SHPRH: variants seen among roughly 807,000 people sequenced by gnomAD.
SHPRH encodes the protein E3 ubiquitin-protein ligase SHPRH.
Under a neutral mutation model 202.5 loss-of-function variants are expected in SHPRH, and 106 were observed. The observed-to-expected ratio is 0.52, with a 90% CI of 0.45 to 0.62. The LOEUF (loss-of-function observed/expected upper bound fraction) is 0.62. Ranked by LOEUF, SHPRH falls within the 20% of genes least tolerant of loss-of-function variation. The probability of loss-of-function intolerance (pLI) is 0.00; values close to 1 mark genes in which losing one functional copy is unlikely to be tolerated. For missense variants in SHPRH, 1,710 were observed against 2,020.0 expected, an observed-to-expected ratio of 0.85 and a Z score of 2.94; for synonymous variants, 729 against 686.0, an observed-to-expected ratio of 1.06 and a Z score of -0.98.
intron 5 of SHPRH, 21 bp downstream of exon 5, chr6:145,948,250 TA>T: frequency 6.6e-7 from 1 of 1,524,930 alleles, no homozygotes; most frequent in Non-Finnish European, 8.9e-7. Context: ...AAATCAAGCA[TA>T]TAAGTAAAAT....
At chr6:145,937,282 C>T (rs900521607) in intron 11 of SHPRH, among the ~76,000 whole-genome samples, 1 of 152,158 alleles carries the variant, frequency 6.6e-6, no homozygotes, top group Non-Finnish European at 1.5e-5. Flanking sequence ...CTGGCCCATG[C>T]TTCTTTTCTG....
At chr6:145,860,890 A>G (rs186833040), downstream of SHPRH, among the ~76,000 whole-genome samples, 5 of 152,256 alleles carry the variant, frequency 3.3e-5, no homozygotes, top group Non-Finnish European at 1.5e-5. Context: ...AAGAATATAC[A>G]ATGAGGAAAA....
At chr6:145,925,374 A>ACACACACGCC (rs1784783166) in intron 16 of SHPRH, among the ~76,000 whole-genome samples, 1 of 151,244 alleles carries the variant, frequency 6.6e-6, no homozygotes, top group Non-Finnish European at 1.5e-5. Context: ...ACACACATGC[A>ACACACACGCC]TGCAATAAAA....
At chr6:145,896,785 C>T (rs186455725) in intron 25 of SHPRH, among the ~76,000 whole-genome samples, 19 of 152,016 alleles carry the variant, frequency 1.2e-4, no homozygotes, top group Non-Finnish European at 1.3e-4. Flanking sequence ...AAATAACATG[C>T]TCTTGAACAT....
chr6:145,887,368 A>C lies in SHPRH; in HGVS notation c.4956-581T>G, dbSNP rs574785333. On this transcript the variant is annotated intron_variant, in intron 29 of 29. Transcript: ENST00000275233. ...ACCATCCAATCCTACCTACCTCCTA[A>C]AGATGTAGAAAGATTTATGTTTTCA... Among the ~76,000 whole-genome samples, 7 of 152,158 alleles carry C rather than the reference A, an allele frequency of 4.6e-5. No homozygotes were observed. The East Asian group carries it at 1.4e-3, about 29-fold the overall frequency.
chr6:145,948,841 T>C (rs906263034), intron 4 of SHPRH, among the ~76,000 whole-genome samples: 112 of 152,108 alleles, frequency 7.4e-4, no homozygotes, highest in African/African-American at 2.7e-3. Flanking sequence ...GAAAAAAATA[T>C]CTAAAACCAT....
intron 14 of SHPRH, among the ~76,000 whole-genome samples, chr6:145,928,201 A>G (rs1231125316): frequency 2.6e-5 from 4 of 151,852 alleles, no homozygotes; most frequent in Non-Finnish European, 4.4e-5. Flanking sequence ...TATGGCTTGC[A>G]ATGCCTATGT....
chr6:145,891,773 T>C (rs993221159), intron 28 of SHPRH, among the ~76,000 whole-genome samples: 13 of 152,232 alleles, frequency 8.5e-5, no homozygotes, highest in Middle Eastern at 3.4e-3. Flanking sequence ...GAAAAAAACA[T>C]ATTGACTTGC....
chr6:145,952,304 C>G, intron 3 of SHPRH, 45 bp downstream of exon 3: 1 of 1,519,518 alleles, frequency 6.6e-7, no homozygotes. Context: ...AAAAAACTCA[C>G]AACTCCTAAG....
intron 25 of SHPRH, among the ~76,000 whole-genome samples, chr6:145,902,037 C>A (rs1259196430): frequency 6.6e-6 from 1 of 152,078 alleles, no homozygotes; most frequent in Non-Finnish European, 1.5e-5. Flanking sequence ...CCAGTCAGCG[C>A]AAGGCTGTTA....
intron 23 of SHPRH, among the ~76,000 whole-genome samples, chr6:145,914,962 A>T (rs1174047375): frequency 6.6e-6 from 1 of 151,880 alleles, no homozygotes; most frequent in Non-Finnish European, 1.5e-5. Flanking sequence ...CAGTTGGGTC[A>T]TATTTGTTCA....
rs1178846644 is a variant in SHPRH at position 145,918,684 on chromosome 6, A to G, written c.4153-452T>C. The G allele has an allele frequency of 2.0e-5, 3 of 152,566 alleles. No homozygotes were observed. The East Asian group carries it at 5.8e-4, about 29-fold the overall frequency. 9.5% of individuals were successfully genotyped at this position (152,566 alleles called of 1,614,324 possible). The stretch of plus-strand genomic sequence containing the variant: ...AGGAACACTCAAACAAGACGAATTT[A>G]TTTTCTCAGAAAAACTTCTTCAGAA... On this transcript the variant is annotated intron_variant, in intron 22 of 29. Coordinates refer to ENST00000275233, the MANE Select transcript of SHPRH (RefSeq NM_001042683.3).
intron 25 of SHPRH, chr6:145,905,072 C>A (rs1782838195): frequency 6.6e-6 from 1 of 152,130 alleles, no homozygotes; most frequent in African/African-American, 2.4e-5. Flanking sequence ...AGAGCAATCA[C>A]TTCCTTAACC....
chr6:145,873,616 C>T (rs1380092715), intron 2 of SHPRH, among the ~76,000 whole-genome samples: 1 of 150,672 alleles, frequency 6.6e-6, no homozygotes, highest in African/African-American at 2.4e-5. Context: ...CCAGCATGCC[C>T]ATGCTTCCCA....
chr6:145,941,897 A>C, intron 9 of SHPRH, 23 bp from the exon 10 acceptor site: 1 of 1,608,310 alleles, frequency 6.2e-7, no homozygotes, highest in Admixed American at 1.7e-5. Context: ...CAATACAGGC[A>C]GTTATTGCAA....
At chr6:145,864,932 A>AACACACAC (rs535717920) in intron 2 of SHPRH, among the ~76,000 whole-genome samples, 87 of 133,954 alleles carry the variant, frequency 6.5e-4, no homozygotes, top group South Asian at 5.0e-4. Context: ...AAAATTTATA[A>AACACACAC]ACACACACAC....
At chr6:145,867,629 TATAGAGAGAGAGAGAGAG>T (rs1363490306) in intron 2 of SHPRH, among the ~76,000 whole-genome samples, 22 of 43,902 alleles carry the variant, frequency 5.0e-4, no homozygotes, top group African/African-American at 2.7e-3. Flanking sequence ...TATATATATA[TATAGAGAGAGAGAGAGAG>T]AGAGAGAGAG....
intron 28 of SHPRH, among the ~76,000 whole-genome samples, chr6:145,892,527 A>G (rs756249279): frequency 6.6e-6 from 1 of 152,148 alleles, no homozygotes; most frequent in Non-Finnish European, 1.5e-5. Context: ...GTGCTCAATA[A>G]ATACTGATTT....
chr6:145,935,738 A>C, intron 11 of SHPRH: 9 of 239,036 alleles, frequency 3.8e-5, no homozygotes, highest in Middle Eastern at 1.4e-3. Context: ...TAAACCAAAA[A>C]ACCACTCAAC....
Sources: allele counts gnomAD v4.1 joint callset (sites outside exome capture counted in the v4.1 genomes callset), GRCh38; gene constraint gnomAD v4.1.1; transcripts MANE v1.5; gene names NCBI Gene and HGNC (gene_info 2026-07-23, HGNC 2026-07-21).